Variants in DNAAF8 observed in about 807,000 individuals in gnomAD.
DNAAF8 encodes the protein dynein axonemal assembly factor 8, also known as dynein axonemal-associated protein 1.
DNAAF8 carries 61 observed loss-of-function variants against 54.6 expected under a neutral mutation model. That is an observed-to-expected ratio of 1.12 (90% confidence interval 0.91 to 1.38). DNAAF8 has a LOEUF of 1.38. Among genes scored for constraint, DNAAF8 ranks in the 40% most tolerant of loss-of-function variants. The pLI is 0.00. For missense variants in DNAAF8, 837 were observed against 665.0 expected, an observed-to-expected ratio of 1.26 and a Z score of -2.85; for synonymous variants, 320 against 270.1, an observed-to-expected ratio of 1.18 and a Z score of -1.81.
chr16:4,740,881 C>T (rs1415541415), intron 4 of DNAAF8, among the ~76,000 whole-genome samples: 1 of 151,988 alleles, frequency 6.6e-6, no homozygotes, highest in African/African-American at 2.4e-5. Context: ...CAGGGCCTGC[C>T]TTCCTTAAAG....
chr16:4,742,664 G>A (rs1216366804), intron 4 of DNAAF8, among the ~76,000 whole-genome samples: 2 of 152,114 alleles, frequency 1.3e-5, no homozygotes, highest in East Asian at 3.9e-4. Context: ...AGGTTGCAGT[G>A]AGCTGAGCTC....
chr16:4,744,719 G>C (rs577629866), intron 5 of DNAAF8, 151 bp from the exon 6 acceptor site: 2 of 967,936 alleles, frequency 2.1e-6, no homozygotes, highest in East Asian at 2.6e-5. Flanking sequence ...AGTCCTCAGA[G>C]GGCTGAGTAG....
chr16:4,746,284 A>G (rs143602565), intron 6 of DNAAF8, 91 bp from the exon 7 acceptor site: 14 of 1,379,608 alleles, frequency 1.0e-5, no homozygotes, highest in Non-Finnish European at 1.4e-5. Context: ...ACTGGGTGGC[A>G]GCCACGAGCA....
intron 8 of DNAAF8, 73 bp downstream of exon 8, chr16:4,747,098 C>A: frequency 7.2e-7 from 1 of 1,398,096 alleles, no homozygotes; most frequent in Non-Finnish European, 9.6e-7. Flanking sequence ...CTCCACCTGG[C>A]ACATTTACCG....
chr16:4,744,226 T>G (rs1563444), intron 5 of DNAAF8, among the ~76,000 whole-genome samples: 1 of 151,994 alleles, frequency 6.6e-6, no homozygotes, highest in Non-Finnish European at 1.5e-5. Flanking sequence ...CCACCGCGCT[T>G]GGCCGAATGT....
At chr16:4,744,347 C>T (rs1423911626) in intron 5 of DNAAF8, among the ~76,000 whole-genome samples, 1 of 152,128 alleles carries the variant, frequency 6.6e-6, no homozygotes, top group Non-Finnish European at 1.5e-5. Context: ...CTGTTTGCTG[C>T]AGTGTTGTTT....
intron 4 of DNAAF8, among the ~76,000 whole-genome samples, chr16:4,741,876 T>G (rs1180556623): frequency 2.0e-5 from 3 of 152,232 alleles, no homozygotes; most frequent in Non-Finnish European, 4.4e-5. Context: ...AGGAGTTATC[T>G]TGTCTACTGG....
At chr16:4,738,344 A>T (rs1388290271) in intron 3 of DNAAF8, among the ~76,000 whole-genome samples, 1 of 152,188 alleles carries the variant, frequency 6.6e-6, no homozygotes, top group Non-Finnish European at 1.5e-5. Flanking sequence ...GTACACAGGA[A>T]CTCTGGTTTA....
chr16:4,747,543 G>A lies in DNAAF8; in HGVS notation c.1481G>A (p.Arg494Lys). 2 of 1,612,830 alleles carry A rather than the reference G, an allele frequency of 1.2e-6. No individual in the cohort carries two copies. The highest frequency in any genetic ancestry group is 1.7e-6 in the Non-Finnish European group (2 of 1,179,836). ...CAGAGCGCCCAGGCTCGACTCCCAA[G>A]AGGCAGGCCCAGAGCCCTGGGGGAT... ...KGQSAQARLP[R>K]GRPRALGDVP... Residue 494 changes from arginine (R) to lysine (K), a missense_variant, in exon 9 of 10, where the codon AGA becomes AAA. Arg to Lys is a conservative substitution (Grantham distance 26). Coordinates refer to ENST00000299320, the MANE Select transcript of DNAAF8 (RefSeq NM_139170.3).
intron 1 of DNAAF8, among the ~76,000 whole-genome samples, chr16:4,735,956 C>T (rs1455830753): frequency 6.6e-6 from 1 of 151,690 alleles, no homozygotes; most frequent in African/African-American, 2.4e-5. Flanking sequence ...ACCCTGTCTC[C>T]AAAACAAAAA....
At chr16:4,746,001 T>C (rs557863854) in intron 6 of DNAAF8, 76 of 176,766 alleles carry the variant, frequency 4.3e-4, no homozygotes, top group African/African-American at 1.6e-3. Flanking sequence ...AGAACTGCAG[T>C]GTTAACCATG....
chr16:4,737,003 C>A (rs1032927325), intron 2 of DNAAF8, among the ~76,000 whole-genome samples: 1 of 152,032 alleles, frequency 6.6e-6, no homozygotes, highest in Admixed American at 6.6e-5. Context: ...AGGACAGGGC[C>A]AGAACACCCA....
chr16:4,734,887 G>GGGGGCGGGGCTCTGAGAACC (rs1177282405), intron 1 of DNAAF8, 189 bp downstream of exon 1: 1 of 152,178 alleles, frequency 6.6e-6, no homozygotes, highest in Admixed American at 6.5e-5. Flanking sequence ...CAGGCCGGCT[G>GGGGGCGGGGCTCTGAGAACC]GGGGCGGGGC....
chr16:4,746,666 CT>C (rs2082021213), intron 7 of DNAAF8, 154 bp downstream of exon 7: 4 of 1,119,944 alleles, frequency 3.6e-6, no homozygotes, highest in African/African-American at 3.2e-5. Context: ...TACAGTCCCC[CT>C]GGGTCCCTGC....
chr16:4,745,652 C>A (rs1044697875), intron 6 of DNAAF8, among the ~76,000 whole-genome samples: 2 of 152,192 alleles, frequency 1.3e-5, no homozygotes, highest in Admixed American at 1.3e-4. Flanking sequence ...AAGTACCTAA[C>A]AGAAGTGGCT....
intron 6 of DNAAF8, 115 bp from the exon 7 acceptor site, chr16:4,746,260 G>T (rs865930540): frequency 4.4e-6 from 5 of 1,132,734 alleles, no homozygotes; most frequent in Middle Eastern, 4.1e-4. Flanking sequence ...CCCGTCTGTA[G>T]AGAGTGGGCA....
chr16:4,738,229 G>A (rs2081919732), intron 3 of DNAAF8, among the ~76,000 whole-genome samples: 1 of 151,992 alleles, frequency 6.6e-6, no homozygotes, highest in Non-Finnish European at 1.5e-5. Context: ...CTCTACCATG[G>A]CATCCTGAAT....
At chr16:4,745,133 C>G in intron 6 of DNAAF8, 122 bp downstream of exon 6, 1 of 1,294,654 alleles carries the variant, frequency 7.7e-7, no homozygotes, top group Non-Finnish European at 1.1e-6. Flanking sequence ...CACTCTCAAG[C>G]ATCTGATCAG....
intron 7 of DNAAF8, 135 bp from the exon 8 acceptor site, chr16:4,746,792 C>A: frequency 2.3e-6 from 2 of 851,540 alleles, no homozygotes; most frequent in South Asian, 1.8e-5. Flanking sequence ...CCTGGCAGGA[C>A]GTCCACCGGC....
Sources: allele counts gnomAD v4.1 joint callset (sites outside exome capture counted in the v4.1 genomes callset), GRCh38; gene constraint gnomAD v4.1.1; transcripts MANE v1.5; gene names NCBI Gene and HGNC (gene_info 2026-07-23, HGNC 2026-07-21).